TNS3: variants seen among roughly 807,000 people sequenced by gnomAD.
TNS3 encodes the protein tensin 3, also known as tensin-3.
Under a neutral mutation model 140.9 loss-of-function variants are expected in TNS3, and 45 were observed. The ratio of observed to expected loss-of-function variants is 0.32; its 90% confidence interval spans 0.25 to 0.41. TNS3 has a LOEUF of 0.41. Among genes scored for constraint, TNS3 ranks in the 10% least tolerant of loss-of-function variants. The probability of loss-of-function intolerance (pLI) is 1.00; values close to 1 mark genes in which losing one functional copy is unlikely to be tolerated. For missense variants in TNS3, 1,716 were observed against 1,906.7 expected (o/e 0.90, Z 1.86); for synonymous variants, 815 against 788.4 (o/e 1.03, Z -0.56).
intron 1 of TNS3, among the ~76,000 whole-genome samples, chr7:47,532,792 T>C (rs950019723): frequency 7.9e-5 from 12 of 152,124 alleles, no homozygotes; most frequent in Non-Finnish European, 1.5e-4. Flanking sequence ...TCTCATAGTA[T>C]TCATGAAGTG....
At chr7:47,382,727 G>A (rs952041489) in intron 16 of TNS3, among the ~76,000 whole-genome samples, 11 of 148,080 alleles carry the variant, frequency 7.4e-5, no homozygotes, top group Non-Finnish European at 1.3e-4. Context: ...TCCTGCAGTC[G>A]ACCTCGAGGA....
intron 3 of TNS3, among the ~76,000 whole-genome samples, chr7:47,491,449 G>A (rs1797811385): frequency 6.6e-6 from 1 of 152,090 alleles, no homozygotes; most frequent in Admixed American, 6.5e-5. Context: ...ATACGACCTC[G>A]CGGGGTGGAT....
At chr7:47,284,294 G>A (rs1785297535) in intron 27 of TNS3, among the ~76,000 whole-genome samples, 2 of 152,164 alleles carry the variant, frequency 1.3e-5, no homozygotes, top group South Asian at 4.2e-4. Context: ...GAGCCCAGAG[G>A]CCCTTGAGAA....
chr7:47,419,721 G>T (rs1794271159), intron 10 of TNS3, among the ~76,000 whole-genome samples: 2 of 152,098 alleles, frequency 1.3e-5, no homozygotes, highest in Non-Finnish European at 2.9e-5. Context: ...TTGGCCTTTT[G>T]AGATGTCTAT....
At chr7:47,400,667 A>T (rs1245858320) in intron 14 of TNS3, 118 bp downstream of exon 14, 3 of 1,506,984 alleles carry the variant, frequency 2.0e-6, no homozygotes, top group African/African-American at 2.8e-5. Context: ...TACTTTGGGA[A>T]CAATTTTGTC....
chr7:47,347,998 A>G (rs139385929), intron 17 of TNS3, among the ~76,000 whole-genome samples: 298 of 152,206 alleles, frequency 2.0e-3, no homozygotes, highest in African/African-American at 6.9e-3. Context: ...AGTGGTCCTC[A>G]TCCTCACACT....
At chr7:47,487,595 G>T (rs907720423) in intron 3 of TNS3, among the ~76,000 whole-genome samples, 2 of 152,240 alleles carry the variant, frequency 1.3e-5, no homozygotes, top group African/African-American at 2.4e-5. Flanking sequence ...ATGCAAATCC[G>T]TGGGACAGCA....
intron 16 of TNS3, among the ~76,000 whole-genome samples, chr7:47,373,031 T>C (rs1167526907): frequency 2.6e-5 from 4 of 152,092 alleles, no homozygotes; most frequent in African/African-American, 9.7e-5. Flanking sequence ...CCCCTGCACC[T>C]ACACCTCCGT....
chr7:47,381,692 C>T (rs1449458505), intron 16 of TNS3, among the ~76,000 whole-genome samples: 1 of 152,146 alleles, frequency 6.6e-6, no homozygotes, highest in Admixed American at 6.5e-5. Context: ...TGGCATATGT[C>T]GCTTACAGGA....
At chr7:47,417,359 T>C (rs1443232316) in intron 10 of TNS3, among the ~76,000 whole-genome samples, 1 of 152,196 alleles carries the variant, frequency 6.6e-6, no homozygotes, top group Non-Finnish European at 1.5e-5. Flanking sequence ...GCACGAGAAG[T>C]ATTTCCTTCA....
intron 4 of TNS3, among the ~76,000 whole-genome samples, chr7:47,468,395 T>TAC (rs1796811687): frequency 6.6e-6 from 1 of 152,110 alleles, no homozygotes; most frequent in Non-Finnish European, 1.5e-5. Context: ...GAACCAAGAT[T>TAC]ACATCACTGC....
chr7:47,578,522 C>A (rs1252830111), intron 1 of TNS3, among the ~76,000 whole-genome samples: 1 of 151,488 alleles, frequency 6.6e-6, no homozygotes. Flanking sequence ...GTGAGGGATA[C>A]CAGGTAGAGC....
intron 1 of TNS3, among the ~76,000 whole-genome samples, chr7:47,560,432 C>G (rs926909979): frequency 6.6e-6 from 1 of 152,192 alleles, no homozygotes; most frequent in African/African-American, 2.4e-5. Flanking sequence ...TGTAGCAGCA[C>G]AAACCAATTA....
intron 17 of TNS3, among the ~76,000 whole-genome samples, chr7:47,355,306 G>A (rs547399729): frequency 1.3e-5 from 2 of 152,316 alleles, no homozygotes; most frequent in South Asian, 4.2e-4. Flanking sequence ...CTCAGCCCCA[G>A]GTGCATCCTA....
intron 17 of TNS3, among the ~76,000 whole-genome samples, chr7:47,348,712 T>G (rs1343392955): frequency 1.3e-5 from 2 of 152,184 alleles, no homozygotes; most frequent in Non-Finnish European, 2.9e-5. Flanking sequence ...TGTGGTCAAG[T>G]GTTCTCTTTG....
chr7:47,578,877 C>T (rs1784461807), intron 1 of TNS3, among the ~76,000 whole-genome samples: 1 of 152,200 alleles, frequency 6.6e-6, no homozygotes, highest in Non-Finnish European at 1.5e-5. Flanking sequence ...CATCCGGATT[C>T]AACATACTCT....
chr7:47,516,240 T>C (rs536206074), intron 2 of TNS3, among the ~76,000 whole-genome samples: 5 of 152,198 alleles, frequency 3.3e-5, no homozygotes, highest in Non-Finnish European at 7.3e-5. Flanking sequence ...ACTACTCTAA[T>C]GTACAAATTG....
chr7:47,566,785 A>C (rs1419509191), intron 1 of TNS3, among the ~76,000 whole-genome samples: 1 of 152,156 alleles, frequency 6.6e-6, no homozygotes, highest in African/African-American at 2.4e-5. Flanking sequence ...CATGCCTGTA[A>C]TCCCAGCACT....
rs184728483 is a variant in TNS3 at position 47,480,744 on chromosome 7, G to A, written c.-76+359C>T. Among the ~76,000 whole-genome samples, 267 of 152,278 alleles carry A rather than the reference G, an allele frequency of 1.8e-3. 2 individuals are homozygous for A. Among genetic ancestry groups the A allele is most frequent in the African/African-American group, 6.0e-3 (249 of 41,566 alleles). ...ACTACACTGTCCACAGCCACCTGGC[G>A]ACCCAGGCACCCTCACTGTCCAGGT... On this transcript the variant is annotated intron_variant, in intron 4 of 30. Transcript: ENST00000311160.
Sources: gnomAD v4.1 joint callset for allele counts (sites outside exome capture counted in the v4.1 genomes callset) on GRCh38, gnomAD v4.1.1 for gene constraint, MANE v1.5 for transcripts, NCBI Gene and HGNC (gene_info 2026-07-23, HGNC 2026-07-21) for gene names.